Variants in HDAC4 observed in about 807,000 individuals in gnomAD.
HDAC4 encodes the protein histone deacetylase 4.
HDAC4 carries 16 observed loss-of-function variants against 135.1 expected under a neutral mutation model. The observed-to-expected ratio is 0.12, with a 90% CI of 0.08 to 0.18. The LOEUF (loss-of-function observed/expected upper bound fraction) is 0.18, where lower values mean the gene tolerates loss of function less well. Among genes scored for constraint, HDAC4 ranks in the 10% least tolerant of loss-of-function variants. The probability of loss-of-function intolerance (pLI) is 1.00; values close to 1 mark genes in which losing one functional copy is unlikely to be tolerated. For synonymous variants in HDAC4, 685 were observed against 653.4 expected (o/e 1.05, Z -0.74); for missense variants, 1,143 against 1,511.8 (o/e 0.76, Z 4.05).
At chr2:239,354,661 G>A (rs1488017031) in intron 1 of HDAC4, among the ~76,000 whole-genome samples, 1 of 145,246 alleles carries the variant, frequency 6.9e-6, no homozygotes. Context: ...CCCAAGGCTG[G>A]CTATCTAGAT....
intron 3 of HDAC4, among the ~76,000 whole-genome samples, chr2:239,216,075 T>C (rs2046615314): frequency 6.6e-6 from 1 of 152,220 alleles, no homozygotes; most frequent in South Asian, 2.1e-4. Context: ...TATATGTACA[T>C]GTGCTTACAT....
chr2:239,223,031 T>C (rs2047049854), intron 3 of HDAC4, among the ~76,000 whole-genome samples: 2 of 152,194 alleles, frequency 1.3e-5, no homozygotes. Context: ...TGGATAAAAA[T>C]ATATTGTCTG....
At chr2:239,071,778 G>C (rs903502732) in intron 22 of HDAC4, among the ~76,000 whole-genome samples, 2 of 152,138 alleles carry the variant, frequency 1.3e-5, no homozygotes, top group Non-Finnish European at 2.9e-5. Context: ...AGCTGATCTG[G>C]ACGCTGTGGT....
At chr2:239,329,552 G>C (rs1691419826) in intron 2 of HDAC4, among the ~76,000 whole-genome samples, 1 of 142,930 alleles carries the variant, frequency 7.0e-6, no homozygotes. Flanking sequence ...CCGGCTGGGG[G>C]AGGGAAGCTG....
At chr2:239,083,579 G>A (rs962109896) in intron 20 of HDAC4, among the ~76,000 whole-genome samples, 5 of 152,182 alleles carry the variant, frequency 3.3e-5, no homozygotes, top group Admixed American at 3.3e-4. Context: ...GCTTTAAAAA[G>A]AGTAATAAGA....
intron 22 of HDAC4, among the ~76,000 whole-genome samples, chr2:239,080,226 T>A (rs2035177009): frequency 6.6e-6 from 1 of 152,126 alleles, no homozygotes; most frequent in Admixed American, 6.6e-5. Flanking sequence ...TCTGCACACG[T>A]GCGTTTTATA....
chr2:239,227,880 G>A (rs965851647), intron 3 of HDAC4, among the ~76,000 whole-genome samples: 2 of 152,298 alleles, frequency 1.3e-5, no homozygotes, highest in South Asian at 2.1e-4. Context: ...AGGGTGGCCC[G>A]GGCCCTCTGC....
At chr2:239,368,113 G>A (rs77711541) in intron 1 of HDAC4, among the ~76,000 whole-genome samples, 1,764 of 152,272 alleles carry the variant, frequency 0.012, 40 homozygotes, top group African/African-American at 0.04. Flanking sequence ...TCCCAAGCAC[G>A]TCAGAACGAC....
At chr2:239,096,552 C>T (rs1309710809) in intron 16 of HDAC4, among the ~76,000 whole-genome samples, 1 of 94,556 alleles carries the variant, frequency 1.1e-5, no homozygotes, top group African/African-American at 4.2e-5. Context: ...GATGCCCACG[C>T]CCCCCACAGA....
intron 20 of HDAC4, among the ~76,000 whole-genome samples, chr2:239,082,600 C>T (rs2035451205): frequency 6.6e-6 from 1 of 152,244 alleles, no homozygotes; most frequent in African/African-American, 2.4e-5. Flanking sequence ...ACAAGTGAGC[C>T]ACTTCCTCAG....
At chr2:239,270,606 G>A (rs971692096) in intron 2 of HDAC4, among the ~76,000 whole-genome samples, 1 of 152,168 alleles carries the variant, frequency 6.6e-6, no homozygotes, top group African/African-American at 2.4e-5. Context: ...AAGTCTCCTC[G>A]GAACTGGACC....
At position 239,387,756 on chromosome 2, in the gene HDAC4, CCCTAAAAAG is replaced by C. The variant is rs979900555; in HGVS notation, c.-220+13213_-220+13221del. ...GTGGCTCCACCAAGATGCACCTGGGCCCTAAAAAGCCTAAAAAGCCGAGCTCCTCCTCAC... is the reference window on the plus strand; with the variant it reads ...GTGGCTCCACCAAGATGCACCTGGGCCCTAAAAAGCCGAGCTCCTCCTCAC... On this transcript the variant is annotated intron_variant, in intron 1 of 26. Transcript: ENST00000543185. Among the ~76,000 whole-genome samples the C allele has an allele frequency of 3.3e-5, 5 of 152,096 alleles. No individual in the cohort carries two copies. The South Asian group carries it at 6.2e-4, about 19-fold the overall frequency.
intron 2 of HDAC4, among the ~76,000 whole-genome samples, chr2:239,247,383 CCCT>C (rs1465304583): frequency 6.6e-6 from 1 of 152,224 alleles, no homozygotes; most frequent in Non-Finnish European, 1.5e-5. Flanking sequence ...GGAATATCCC[CCCT>C]GTCGAGTGGA....
intron 17 of HDAC4, chr2:239,091,291 TG>T (rs1463163138): frequency 1.3e-5 from 2 of 152,208 alleles, no homozygotes; most frequent in African/African-American, 4.8e-5. Flanking sequence ...ACACAGCCCT[TG>T]GGCTGGCCCC....
chr2:239,391,010 C>A (rs141822574), intron 1 of HDAC4, among the ~76,000 whole-genome samples: 1 of 152,250 alleles, frequency 6.6e-6, no homozygotes, highest in Non-Finnish European at 1.5e-5. Context: ...GCATGACAGA[C>A]GGCAAAGCCG....
At chr2:239,059,162 G>T (rs188144615) in intron 24 of HDAC4, among the ~76,000 whole-genome samples, 1 of 152,318 alleles carries the variant, frequency 6.6e-6, no homozygotes, top group East Asian at 1.9e-4. Context: ...AATGAAAAGT[G>T]CTACCTATCA....
At chr2:239,193,600 G>C (rs61746958) in intron 3 of HDAC4, among the ~76,000 whole-genome samples, 4,836 of 152,322 alleles carry the variant, frequency 0.032, 263 homozygotes, top group African/African-American at 0.11. Context: ...TCATGGGGAC[G>C]GGGGAGCCCA....
intron 17 of HDAC4, among the ~76,000 whole-genome samples, chr2:239,092,741 G>A (rs1485506653): frequency 2.0e-5 from 3 of 152,224 alleles, no homozygotes; most frequent in Non-Finnish European, 4.4e-5. Flanking sequence ...CTTGCAGGGA[G>A]CCTGGCTCAG....
intron 3 of HDAC4, among the ~76,000 whole-genome samples, chr2:239,223,158 T>G (rs1422528999): frequency 6.6e-6 from 1 of 152,256 alleles, no homozygotes; most frequent in Non-Finnish European, 1.5e-5. Context: ...AATTTCCTTC[T>G]TAGCAACCTC....
Sources: allele counts gnomAD v4.1 joint callset (sites outside exome capture counted in the v4.1 genomes callset), GRCh38; gene constraint gnomAD v4.1.1; transcripts MANE v1.5; gene names NCBI Gene and HGNC (gene_info 2026-07-23, HGNC 2026-07-21).